The following COPG2 variants were observed in gnomAD, a reference collection of about 807,000 sequenced individuals.
The protein encoded by COPG2 is coat protein complex I subunit gamma 2.
Under a neutral mutation model 46.3 loss-of-function variants are expected in COPG2, and 37 were observed. The observed-to-expected ratio is 0.80, with a 90% CI of 0.61 to 1.05. The LOEUF is 1.05. Ranked by LOEUF, COPG2 falls within the 50% of genes least tolerant of loss-of-function variation. The pLI is 0.00. For missense variants in COPG2, 427 were observed against 387.8 expected, an observed-to-expected ratio of 1.10 and a Z score of -0.85; for synonymous variants, 159 against 129.7, an observed-to-expected ratio of 1.23 and a Z score of -1.53.
At chr7:130,525,984 G>C (rs981082688) in intron 20 of COPG2, among the ~76,000 whole-genome samples, 1 of 93,624 alleles carries the variant, frequency 1.1e-5, no homozygotes, top group Non-Finnish European at 2.3e-5. Context: ...AATGGGTAAC[G>C]AAAGGGTAGA....
chr7:130,616,121 G>A (rs181981861), intron 6 of COPG2, among the ~76,000 whole-genome samples: 3 of 152,280 alleles, frequency 2.0e-5, no homozygotes, highest in Admixed American at 2.0e-4. Flanking sequence ...ATGCCAGGCT[G>A]AGAAGTTTCA....
chr7:130,577,166 G>A (rs1229247722), intron 9 of COPG2, among the ~76,000 whole-genome samples: 1 of 152,192 alleles, frequency 6.6e-6, no homozygotes, highest in African/African-American at 2.4e-5. Context: ...AGAAGGAGGA[G>A]CCAAGATGGC....
intron 5 of COPG2, among the ~76,000 whole-genome samples, chr7:130,637,929 T>C (rs1438105159): frequency 1.3e-5 from 2 of 152,224 alleles, no homozygotes; most frequent in Non-Finnish European, 2.9e-5. Context: ...TTTTTGTTGA[T>C]GTTGATGCTA....
chr7:130,538,410 A>T (rs2116367756), intron 20 of COPG2, among the ~76,000 whole-genome samples: 1 of 152,192 alleles, frequency 6.6e-6, no homozygotes, highest in African/African-American at 2.4e-5. Context: ...ACAGGGTCCG[A>T]TGCAGAAAAG....
At chr7:130,512,249 C>T (rs1038979469) in intron 20 of COPG2, among the ~76,000 whole-genome samples, 71 of 148,790 alleles carry the variant, frequency 4.8e-4, no homozygotes, top group African/African-American at 1.4e-3. Context: ...ACAACTCTGA[C>T]AATTTAACAT....
rs1793653580 is a variant in COPG2 at position 130,557,827 on chromosome 7, A to AAAAAAAC, written c.1129-2696_1129-2695insGTTTTTT. 1.9e-4 allele frequency among the ~76,000 whole-genome samples: 28 copies of AAAAAAAC among 147,394 alleles called. 2 individuals are homozygous for AAAAAAAC. The South Asian group carries it at 5.4e-3, about 28-fold the overall frequency. On this transcript the variant is annotated intron_variant, in intron 12 of 23. Transcript: ENST00000425248. Reference sequence around the variant, plus strand: ...AATGAAACTCCATCTCAAAAAAAAAAAAAAAAAAAAATCATGCAAGAATAG... The same window carrying AAAAAAAC: ...AATGAAACTCCATCTCAAAAAAAAAAAAAAAACAAAAAAAAAAATCATGCAAGAATAG...
chr7:130,525,200 T>C (rs1799762351), intron 20 of COPG2, among the ~76,000 whole-genome samples: 1 of 152,084 alleles, frequency 6.6e-6, no homozygotes, highest in South Asian at 2.1e-4. Context: ...GGAGACAACC[T>C]CACAAATCTG....
intron 9 of COPG2, among the ~76,000 whole-genome samples, chr7:130,592,165 G>C (rs1169537089): frequency 2.0e-5 from 3 of 152,102 alleles, no homozygotes; most frequent in African/African-American, 7.2e-5. Context: ...ATTAAGGGTG[G>C]TGCAAGATGT....
At chr7:130,623,849 T>C (rs980915073) in intron 5 of COPG2, among the ~76,000 whole-genome samples, 1 of 152,158 alleles carries the variant, frequency 6.6e-6, no homozygotes, top group Non-Finnish European at 1.5e-5. Flanking sequence ...AAAACAATTT[T>C]TTTTTTCAAA....
chr7:130,647,090 G>C (rs1795627868), intron 5 of COPG2, among the ~76,000 whole-genome samples: 1 of 151,142 alleles, frequency 6.6e-6, no homozygotes, highest in Admixed American at 6.6e-5. Context: ...ACCCAGGCTG[G>C]AGTGCAGTGG....
chr7:130,568,286 A>G (rs1793838296), intron 9 of COPG2, among the ~76,000 whole-genome samples: 1 of 152,172 alleles, frequency 6.6e-6, no homozygotes, highest in East Asian at 1.9e-4. Flanking sequence ...AAAAAAAAGA[A>G]TCCACCAACC....
chr7:130,635,683 T>C (rs1351495817), intron 5 of COPG2, among the ~76,000 whole-genome samples: 4 of 152,202 alleles, frequency 2.6e-5, no homozygotes, highest in Non-Finnish European at 5.9e-5. Context: ...TTTTGAAGGA[T>C]TTTTTGTGTC....
chr7:130,544,224 G>A (rs973377579), intron 20 of COPG2, among the ~76,000 whole-genome samples: 5 of 152,088 alleles, frequency 3.3e-5, no homozygotes, highest in Non-Finnish European at 5.9e-5. Context: ...AAACTCTGAG[G>A]CAAATCTTAC....
intron 5 of COPG2, among the ~76,000 whole-genome samples, chr7:130,637,931 T>A (rs1795377620): frequency 6.6e-6 from 1 of 152,230 alleles, no homozygotes; most frequent in Non-Finnish European, 1.5e-5. Flanking sequence ...TTTGTTGATG[T>A]TGATGCTATT....
At chr7:130,659,807 G>A (rs997268214) in intron 4 of COPG2, among the ~76,000 whole-genome samples, 1 of 152,120 alleles carries the variant, frequency 6.6e-6, no homozygotes, top group South Asian at 2.1e-4. Context: ...AGCTACTCCA[G>A]AGGCTGAGGC....
At chr7:130,555,920 A>G (rs1793615816) in intron 12 of COPG2, among the ~76,000 whole-genome samples, 1 of 152,216 alleles carries the variant, frequency 6.6e-6, no homozygotes, top group Non-Finnish European at 1.5e-5. Context: ...GTGGCTAACA[A>G]GTTAACCTGT....
chr7:130,513,308 AATATATATATAT>A (rs1197540092), intron 20 of COPG2, among the ~76,000 whole-genome samples: 5 of 55,672 alleles, frequency 9.0e-5, no homozygotes, highest in Middle Eastern at 0.016. Context: ...AAAAAAAAAA[AATATATATATAT>A]ATATATATAT....
rs1292453024 is a variant in COPG2 at position 130,651,603 on chromosome 7, G to A, written c.323+1266C>T. Among the ~76,000 whole-genome samples, 49 of 130,108 alleles carry A rather than the reference G, an allele frequency of 3.8e-4. No individual in the cohort carries two copies. The East Asian group carries it at 4.7e-3, about 12-fold the overall frequency. The allele number at this position is 130,108 out of a possible 152,430, so 85.4% of individuals were successfully genotyped here. A position where few individuals can be genotyped will look rare whatever the true frequency, so the allele number is the denominator to read the frequency against. On this transcript the variant is annotated intron_variant, in intron 5 of 23. Coordinates refer to ENST00000425248, the MANE Select transcript of COPG2 (RefSeq NM_012133.6). ...GCAATCTCGGCTCACTGCAAGCTCC[G>A]CTTCCCGGGTTCACGCCATTCTCCT...
At chr7:130,655,173 A>C (rs1795825382) in intron 4 of COPG2, among the ~76,000 whole-genome samples, 1 of 152,026 alleles carries the variant, frequency 6.6e-6, no homozygotes, top group African/African-American at 2.4e-5. Flanking sequence ...GCACATTGTG[A>C]AGTTTATTTT....
Sources: allele counts gnomAD v4.1 joint callset (sites outside exome capture counted in the v4.1 genomes callset), GRCh38; gene constraint gnomAD v4.1.1; transcripts MANE v1.5; gene names NCBI Gene and HGNC (gene_info 2026-07-23, HGNC 2026-07-21).